The following PRKAG2 variants were observed in gnomAD, a reference collection of about 807,000 sequenced individuals.
PRKAG2 encodes the protein protein kinase AMP-activated non-catalytic subunit gamma 2, also known as 5'-AMP-activated protein kinase subunit gamma-2.
A neutral mutation model predicts 69.6 loss-of-function variants in PRKAG2; 26 were observed. The ratio of observed to expected loss-of-function variants is 0.37; its 90% CI spans 0.27 to 0.52. The LOEUF is 0.52. PRKAG2 is among the 20% of genes least tolerant of loss of function. PRKAG2 has a pLI of 0.90. For missense variants in PRKAG2, 557 were observed against 740.0 expected (o/e 0.75, Z 2.87); for synonymous variants, 293 against 285.0 (o/e 1.03, Z -0.28).
At chr7:151,593,009 G>T (rs1349365044) in intron 6 of PRKAG2, among the ~76,000 whole-genome samples, 3 of 152,226 alleles carry the variant, frequency 2.0e-5, no homozygotes, top group Admixed American at 2.0e-4. Context: ...TCCCGGAGAT[G>T]ATGCTCACAG....
chr7:151,682,957 G>A (rs1021008193), intron 3 of PRKAG2, among the ~76,000 whole-genome samples: 6 of 152,244 alleles, frequency 3.9e-5, no homozygotes, highest in African/African-American at 1.4e-4. Flanking sequence ...AGTCACCCAA[G>A]AAGGCTCTGG....
intron 3 of PRKAG2, among the ~76,000 whole-genome samples, chr7:151,681,244 G>A (rs1001127577): frequency 1.3e-5 from 2 of 152,214 alleles, no homozygotes; most frequent in African/African-American, 4.8e-5. Context: ...TCATTTGGGG[G>A]TGGGAACACC....
chr7:151,763,160 G>A (rs1243221152), intron 3 of PRKAG2, among the ~76,000 whole-genome samples: 1 of 152,218 alleles, frequency 6.6e-6, no homozygotes, highest in African/African-American at 2.4e-5. Context: ...TGTCGGGTGG[G>A]CTCGGAAGTG....
At chr7:151,855,157 A>ACACACACCGCCC (rs2079700388) in intron 1 of PRKAG2, among the ~76,000 whole-genome samples, 1 of 31,096 alleles carries the variant, frequency 3.2e-5, no homozygotes, top group Non-Finnish European at 5.4e-5. Flanking sequence ...CACACACACC[A>ACACACACCGCCC]TCCTCCACAC....
At chr7:151,695,967 C>T (rs544732193) in intron 3 of PRKAG2, among the ~76,000 whole-genome samples, 102 of 152,312 alleles carry the variant, frequency 6.7e-4, no homozygotes, top group South Asian at 2.5e-3. Context: ...AGACCCCACC[C>T]TGTGTTTACA....
intron 4 of PRKAG2, among the ~76,000 whole-genome samples, chr7:151,665,128 C>G (rs1231325785): frequency 6.6e-6 from 1 of 152,100 alleles, no homozygotes; most frequent in Admixed American, 6.6e-5. Context: ...CAGAGTTCTG[C>G]TTCTACAGGA....
chr7:151,627,959 C>T (rs1454457213), intron 5 of PRKAG2, among the ~76,000 whole-genome samples: 4 of 152,172 alleles, frequency 2.6e-5, no homozygotes, highest in East Asian at 1.9e-4. Flanking sequence ...CCGCCACGCC[C>T]GGCCTGGATT....
At chr7:151,609,950 C>G (rs561214167) in intron 5 of PRKAG2, among the ~76,000 whole-genome samples, 13 of 152,216 alleles carry the variant, frequency 8.5e-5, no homozygotes, top group Non-Finnish European at 1.9e-4. Flanking sequence ...ATGAGCAGCA[C>G]GAACTTGCTG....
chr7:151,799,517 C>T (rs1430052215), intron 1 of PRKAG2, among the ~76,000 whole-genome samples: 1 of 152,218 alleles, frequency 6.6e-6, no homozygotes, highest in Non-Finnish European at 1.5e-5. Flanking sequence ...GCACAAAGCC[C>T]GTGCTCCAAC....
At position 151,570,152 on chromosome 7, in the gene PRKAG2, A is replaced by G. The variant is rs746050076; in HGVS notation, c.1106+19T>C. ...TACATCTGAATGAATGTTTTCAAAGAAAAAAAAAACAAGTTTACCTTGCAT... is the reference window on the plus strand; with the variant it reads ...TACATCTGAATGAATGTTTTCAAAGGAAAAAAAAACAAGTTTACCTTGCAT... On this transcript the variant is annotated intron_variant, in intron 10 of 15. Coordinates refer to ENST00000287878, the MANE Select transcript of PRKAG2 (RefSeq NM_016203.4). The G allele has an allele frequency of 6.5e-7, 1 of 1,530,612 alleles. No individual in the cohort carries two copies. The highest frequency in any genetic ancestry group is 1.2e-5 in the South Asian group (1 of 86,220). 94.8% of individuals were successfully genotyped at this position (1,530,612 alleles called of 1,614,324 possible).
intron 1 of PRKAG2, among the ~76,000 whole-genome samples, chr7:151,825,488 G>A (rs2078885881): frequency 6.6e-6 from 1 of 152,100 alleles, no homozygotes; most frequent in Non-Finnish European, 1.5e-5. Flanking sequence ...GACACCCAAC[G>A]CATGCTTCCT....
rs1370813760 is a variant in PRKAG2 at position 151,699,692 on chromosome 7, T to G, written c.467-24055A>C. 6.6e-6 allele frequency among the ~76,000 whole-genome samples: 1 copy of G among 152,034 alleles called. No homozygotes were observed. Among genetic ancestry groups the G allele is most frequent in the Non-Finnish European group, 1.5e-5 (1 of 68,002 alleles). On this transcript the variant is annotated intron_variant, in intron 3 of 15. Coordinates refer to ENST00000287878, the MANE Select transcript of PRKAG2 (RefSeq NM_016203.4). The surrounding 1 kb of genome is among the most constrained non-coding windows in gnomAD (Gnocchi z 4.5). ...ACCCAGCCTACGGGCCAGAAAGAAA[T>G]GCATGAGCCATTAAGACAGTGCAGG...
At chr7:151,641,244 CTTTTTTT>C (rs374667332) in intron 4 of PRKAG2, among the ~76,000 whole-genome samples, 23 of 105,690 alleles carry the variant, frequency 2.2e-4, no homozygotes, top group South Asian at 3.3e-4. Flanking sequence ...TTCTTTTTTC[CTTTTTTT>C]TTTTTTTTTT....
intron 3 of PRKAG2, among the ~76,000 whole-genome samples, chr7:151,728,409 C>A (rs1798356284): frequency 1.3e-5 from 2 of 152,102 alleles, no homozygotes; most frequent in Non-Finnish European, 2.9e-5. Flanking sequence ...CTCCCTGGAC[C>A]CACGCACAAG....
chr7:151,864,802 C>T (rs2080021328), intron 1 of PRKAG2, among the ~76,000 whole-genome samples: 1 of 152,136 alleles, frequency 6.6e-6, no homozygotes, highest in South Asian at 2.1e-4. Flanking sequence ...GCTCTGCACG[C>T]CCCTCACCCA....
In PRKAG2 at chr7:151,751,519, A is replaced by T. The variant is rs190162726; in HGVS notation, c.466+29633T>A. Among the ~76,000 whole-genome samples the T allele has an allele frequency of 5.5e-3, 829 of 149,914 alleles. 5 individuals carry two copies. Among genetic ancestry groups the T allele is most frequent in the African/African-American group, 7.0e-3 (284 of 40,734 alleles). ...CTATTTATTATTTATTTATTTATTT[A>T]TTTTTTTGAGACAGGTTCTCGCTTT... is the stretch of plus-strand genomic sequence containing the variant. On this transcript the variant is annotated intron_variant, in intron 3 of 15. Transcript: ENST00000287878.
intron 4 of PRKAG2, among the ~76,000 whole-genome samples, chr7:151,673,713 C>T (rs993688332): frequency 1.3e-5 from 2 of 152,126 alleles, no homozygotes; most frequent in African/African-American, 4.8e-5. Flanking sequence ...ACCGTATCTC[C>T]TAAAAAGAGA....
chr7:151,575,133 A>G (rs1032886718), intron 7 of PRKAG2, among the ~76,000 whole-genome samples, 184 bp from the exon 8 acceptor site: 2 of 152,264 alleles, frequency 1.3e-5, no homozygotes, highest in Non-Finnish European at 2.9e-5. Context: ...AACTGGATAT[A>G]CAAATTTAGC....
At chr7:151,644,837 G>A (rs1024197689) in intron 4 of PRKAG2, among the ~76,000 whole-genome samples, 1 of 152,174 alleles carries the variant, frequency 6.6e-6, no homozygotes, top group African/African-American at 2.4e-5. Context: ...CCTCATCAAT[G>A]CTTGGTATGG....
Sources: gnomAD v4.1 joint callset for allele counts (sites outside exome capture counted in the v4.1 genomes callset) on GRCh38, gnomAD v4.1.1 for gene constraint, Gnocchi (gnomAD v3.1) non-coding constraint, MANE v1.5 for transcripts, NCBI Gene and HGNC (gene_info 2026-07-23, HGNC 2026-07-21) for gene names.